RP1: variants seen among roughly 807,000 people sequenced by gnomAD.
The protein encoded by RP1 is RP1 axonemal microtubule associated.
Under a neutral mutation model 14.8 loss-of-function variants are expected in RP1, and 16 were observed. The ratio of observed to expected loss-of-function variants is 1.08; its 90% CI spans 0.73 to 1.65. RP1 has a LOEUF of 1.65. Among genes scored for constraint, RP1 ranks in the 40% most tolerant of loss-of-function variants. The pLI, the probability that RP1 is intolerant of heterozygous loss-of-function variation, is 0.00. For synonymous variants in RP1, 876 were observed against 883.6 expected (o/e 0.99, Z 0.15); for missense variants, 2,631 against 2,535.0 (o/e 1.04, Z -0.81).
chr8:54,834,176 A>T (rs1177271594), intron 24 of RP1, among the ~76,000 whole-genome samples: 1 of 152,040 alleles, frequency 6.6e-6, no homozygotes, highest in African/African-American at 2.4e-5. Context: ...AAGTAAGACA[A>T]GGGTATTTAA....
At chr8:54,781,565 C>T (rs1197408002) in intron 23 of RP1, among the ~76,000 whole-genome samples, 1 of 152,018 alleles carries the variant, frequency 6.6e-6, no homozygotes, top group Non-Finnish European at 1.5e-5. Context: ...ATTTTTAGCC[C>T]TGTTATAAAT....
intron 13 of RP1, among the ~76,000 whole-genome samples, chr8:54,700,136 G>C (rs1196610731): frequency 6.6e-6 from 1 of 151,970 alleles, no homozygotes; most frequent in East Asian, 1.9e-4. Flanking sequence ...TAGTAAGTGT[G>C]GAAGCAGGAA....
At chr8:54,817,895 T>C (rs1811171698) in intron 24 of RP1, among the ~76,000 whole-genome samples, 1 of 152,242 alleles carries the variant, frequency 6.6e-6, no homozygotes, top group African/African-American at 2.4e-5. Flanking sequence ...AAAGTCATAA[T>C]TAATATGCAG....
chr8:54,812,812 TCC>T (rs879456564), intron 24 of RP1, among the ~76,000 whole-genome samples: 8,664 of 148,652 alleles, frequency 0.058, 267 homozygotes, highest in Admixed American at 0.066. Flanking sequence ...TATCTATCTC[TCC>T]GTCTTCTATC....
intron 5 of RP1, among the ~76,000 whole-genome samples, chr8:54,653,249 A>T (rs984790738): frequency 6.6e-6 from 1 of 152,180 alleles, no homozygotes; most frequent in African/African-American, 2.4e-5. Flanking sequence ...GCCAGCTTTG[A>T]AATTTAGTCT....
At chr8:54,773,066 T>C (rs1585679360), downstream of RP1, among the ~76,000 whole-genome samples, 1 of 152,150 alleles carries the variant, frequency 6.6e-6, no homozygotes, top group Non-Finnish European at 1.5e-5. Context: ...CCCTTTGGCT[T>C]ACTTCAAAAG....
rs1811601569 is a variant in RP1, at chr8:54,834,058, A to T, written c.3616-3392A>T. On this transcript the variant is annotated intron_variant, in intron 24 of 28. Transcript: ENST00000637698. ...TAAAGAAAAGAAAGACAGAGCTCAGATCCTCAAGGAGTTAAGGGTCTAGTG... is the reference window on the plus strand; with the variant it reads ...TAAAGAAAAGAAAGACAGAGCTCAGTTCCTCAAGGAGTTAAGGGTCTAGTG... 2.0e-5 allele frequency among the ~76,000 whole-genome samples: 3 copies of T among 152,224 alleles called. No individual in the cohort carries two copies. The South Asian group carries it at 6.2e-4, about 32-fold the overall frequency.
At chr8:54,862,558 T>C (rs1812367831) in intron 27 of RP1, among the ~76,000 whole-genome samples, 2 of 152,170 alleles carry the variant, frequency 1.3e-5, no homozygotes. Flanking sequence ...TTTTTAAAGA[T>C]AGCAGAGTAT....
At chr8:54,856,850 G>A (rs368931543) in intron 26 of RP1, among the ~76,000 whole-genome samples, 2 of 152,036 alleles carry the variant, frequency 1.3e-5, no homozygotes, top group South Asian at 2.1e-4. Context: ...TATTCTACAT[G>A]TTTTTGTGTC....
chr8:54,665,693 C>T (rs1807000461), intron 7 of RP1, among the ~76,000 whole-genome samples: 2 of 152,130 alleles, frequency 1.3e-5, no homozygotes, highest in African/African-American at 4.8e-5. Flanking sequence ...CCAGTTTCAT[C>T]AGTTCTTAGA....
intron 24 of RP1, among the ~76,000 whole-genome samples, chr8:54,822,741 A>T (rs1811288157): frequency 6.6e-6 from 1 of 152,210 alleles, no homozygotes. Context: ...GGACTGCCTC[A>T]GCCCTGCAGG....
intron 1 of RP1, among the ~76,000 whole-genome samples, chr8:54,570,449 C>T (rs1159684002): frequency 6.6e-6 from 1 of 151,710 alleles, no homozygotes; most frequent in Non-Finnish European, 1.5e-5. Context: ...CAGCCTCAGC[C>T]TCCTGAGTAG....
chr8:54,842,898 C>T (rs1811819202), intron 25 of RP1, among the ~76,000 whole-genome samples: 1 of 152,190 alleles, frequency 6.6e-6, no homozygotes, highest in Non-Finnish European at 1.5e-5. Context: ...ACAGGCCTTG[C>T]CCAGGCCTCT....
intron 23 of RP1, among the ~76,000 whole-genome samples, chr8:54,780,378 T>G (rs1279451814): frequency 6.6e-6 from 1 of 152,236 alleles, no homozygotes; most frequent in East Asian, 1.9e-4. Flanking sequence ...AACTGTGTGG[T>G]TTGATTGATC....
intron 4 of RP1, among the ~76,000 whole-genome samples, chr8:54,649,742 A>T (rs573760013): frequency 1.2e-4 from 18 of 152,352 alleles, no homozygotes; most frequent in Middle Eastern, 6.8e-3. Flanking sequence ...GCACAGAAGG[A>T]TTGGTTTGAA....
chr8:54,691,444 A>AC (rs2129339460), intron 12 of RP1, among the ~76,000 whole-genome samples: 1 of 152,214 alleles, frequency 6.6e-6, no homozygotes, highest in African/African-American at 2.4e-5. Flanking sequence ...GAATGTGTGG[A>AC]AAATTATGAG....
intron 24 of RP1, among the ~76,000 whole-genome samples, chr8:54,825,827 G>C (rs189429852): frequency 6.6e-6 from 1 of 152,058 alleles, no homozygotes; most frequent in Non-Finnish European, 1.5e-5. Context: ...ATTCCACTGT[G>C]GGGGGCAGAG....
At chr8:54,649,496 A>G (rs935525349) in intron 4 of RP1, among the ~76,000 whole-genome samples, 26 of 152,222 alleles carry the variant, frequency 1.7e-4, no homozygotes, top group African/African-American at 6.3e-4. Flanking sequence ...GTTGTCATCA[A>G]GTTGTTAATT....
At chr8:54,809,744 C>T (rs1231118762) in intron 24 of RP1, among the ~76,000 whole-genome samples, 2 of 152,278 alleles carry the variant, frequency 1.3e-5, no homozygotes, top group South Asian at 4.1e-4. Flanking sequence ...ATGCCATTTG[C>T]CATGGTTAGG....
Sources: gnomAD v4.1 joint callset for allele counts (sites outside exome capture counted in the v4.1 genomes callset) on GRCh38, gnomAD v4.1.1 for gene constraint, MANE v1.5 for transcripts, NCBI Gene and HGNC (gene_info 2026-07-23, HGNC 2026-07-21) for gene names.